RBFOX1: variants seen among roughly 807,000 people sequenced by gnomAD.
RBFOX1 encodes RNA binding protein fox-1 homolog 1.
In RBFOX1, 8 loss-of-function variants were observed where a neutral mutation model predicts 57.7. That is an observed-to-expected ratio of 0.14 (90% CI 0.08 to 0.25). RBFOX1 has a LOEUF of 0.25. Among genes scored for constraint, RBFOX1 ranks in the 10% least tolerant of loss-of-function variants. The probability of loss-of-function intolerance (pLI) is 1.00; values close to 1 mark genes in which losing one functional copy is unlikely to be tolerated. For missense variants in RBFOX1, 611 were observed against 548.5 expected (o/e 1.11, Z -1.14); for synonymous variants, 326 against 222.4 (o/e 1.47, Z -4.15).
intron 1 of RBFOX1, among the ~76,000 whole-genome samples, chr16:5,342,555 C>G (rs1034639477): frequency 6.6e-6 from 1 of 152,136 alleles, no homozygotes; most frequent in African/African-American, 2.4e-5. Context: ...TGAGGCAATT[C>G]ATGTAGAACT....
At chr16:6,730,869 C>T (rs923849722) in intron 3 of RBFOX1, among the ~76,000 whole-genome samples, 2 of 152,182 alleles carry the variant, frequency 1.3e-5, no homozygotes, top group Non-Finnish European at 2.9e-5. Context: ...CCAGACCCCA[C>T]CCTGCTTCCT....
At chr16:7,577,395 C>A (rs1028890857) in intron 5 of RBFOX1, among the ~76,000 whole-genome samples, 1 of 152,170 alleles carries the variant, frequency 6.6e-6, no homozygotes, top group Non-Finnish European at 1.5e-5. Context: ...CACATACTCT[C>A]CTGAATCCAA....
chr16:7,061,298 G>T (rs2054186923), intron 4 of RBFOX1, among the ~76,000 whole-genome samples: 1 of 152,144 alleles, frequency 6.6e-6, no homozygotes, highest in African/African-American at 2.4e-5. Flanking sequence ...CACAAGACCT[G>T]TTCCATACAG....
chr16:6,648,372 C>T (rs553198365), intron 2 of RBFOX1, among the ~76,000 whole-genome samples: 145 of 144,856 alleles, frequency 1.0e-3, no homozygotes, highest in Admixed American at 2.2e-3. Context: ...CCAGGGGCAT[C>T]GTACTTGCTG....
At chr16:7,421,055 CTT>C (rs1044490351) in intron 4 of RBFOX1, among the ~76,000 whole-genome samples, 1 of 151,908 alleles carries the variant, frequency 6.6e-6, no homozygotes, top group Non-Finnish European at 1.5e-5. Flanking sequence ...ATACCTGACT[CTT>C]TTGCTCATCT....
chr16:7,485,904 C>G (rs1431827897), intron 4 of RBFOX1, among the ~76,000 whole-genome samples: 1 of 152,136 alleles, frequency 6.6e-6, no homozygotes, highest in Non-Finnish European at 1.5e-5. Flanking sequence ...TGGCACATAG[C>G]CACACCCATT....
chr16:7,245,365 C>T (rs984737866), intron 4 of RBFOX1, among the ~76,000 whole-genome samples: 2 of 152,048 alleles, frequency 1.3e-5, no homozygotes, highest in Non-Finnish European at 2.9e-5. Context: ...ACAGGATGTG[C>T]AGGTTCATTG....
At chr16:5,648,885 G>A (rs2049137531) in intron 3 of RBFOX1, among the ~76,000 whole-genome samples, 1 of 151,994 alleles carries the variant, frequency 6.6e-6, no homozygotes, top group South Asian at 2.1e-4. Context: ...CCAACATGGT[G>A]AAACCCCATG....
intron 4 of RBFOX1, among the ~76,000 whole-genome samples, chr16:7,421,263 T>G (rs74250093): frequency 1.3e-5 from 2 of 152,326 alleles, no homozygotes; most frequent in East Asian, 3.9e-4. Context: ...TATGTTGTAA[T>G]TGAAGCTTAA....
chr16:7,701,477 C>G (rs1023628605), intron 14 of RBFOX1, among the ~76,000 whole-genome samples: 3 of 152,144 alleles, frequency 2.0e-5, no homozygotes, highest in Non-Finnish European at 4.4e-5. Context: ...TTTTGAGAAT[C>G]TAATGCCTGA....
chr16:6,130,229 A>G (rs988651604), intron 1 of RBFOX1, among the ~76,000 whole-genome samples: 4 of 152,154 alleles, frequency 2.6e-5, no homozygotes, highest in Admixed American at 6.5e-5. Flanking sequence ...AAGTATACAC[A>G]TGTAAGATTT....
At chr16:6,871,777 G>A (rs1202866647) in intron 3 of RBFOX1, among the ~76,000 whole-genome samples, 5 of 152,028 alleles carry the variant, frequency 3.3e-5, no homozygotes, top group Non-Finnish European at 5.9e-5. Context: ...TCTACCTTCC[G>A]CTGATTTTAG....
chr16:7,221,232 A>C (rs1331912063), intron 4 of RBFOX1, among the ~76,000 whole-genome samples: 1 of 152,176 alleles, frequency 6.6e-6, no homozygotes, highest in Non-Finnish European at 1.5e-5. Flanking sequence ...ATAGTTTGTA[A>C]AGTGTTAGAA....
chr16:6,628,978 C>T (rs910760793), intron 2 of RBFOX1, among the ~76,000 whole-genome samples: 6 of 152,030 alleles, frequency 3.9e-5, no homozygotes, highest in Non-Finnish European at 5.9e-5. Flanking sequence ...TACAGTGAGC[C>T]GAGATTGCAC....
intron 2 of RBFOX1, among the ~76,000 whole-genome samples, chr16:6,607,444 A>G (rs12448906): frequency 0.046 from 5,124 of 110,804 alleles, 122 homozygotes; most frequent in Non-Finnish European, 0.061. Context: ...CTCGCTCTCT[A>G]TCTCTCTTCC....
chr16:5,374,174 C>A (rs752563206), intron 1 of RBFOX1, among the ~76,000 whole-genome samples: 1 of 152,230 alleles, frequency 6.6e-6, no homozygotes, highest in African/African-American at 2.4e-5. Flanking sequence ...CTGAGCTCAG[C>A]TGTTCCACCC....
chr16:5,893,172 C>A (rs181073367), intron 4 of RBFOX1, among the ~76,000 whole-genome samples: 1 of 152,324 alleles, frequency 6.6e-6, no homozygotes, highest in Admixed American at 6.5e-5. Context: ...TGGAATTCAG[C>A]TGATGCTCCA....
chr16:5,647,451 T>G (rs1300186877), intron 3 of RBFOX1, among the ~76,000 whole-genome samples: 6 of 152,198 alleles, frequency 3.9e-5, no homozygotes, highest in African/African-American at 7.2e-5. Flanking sequence ...TGGCAACATG[T>G]AAACACTGCT....
At chr16:7,481,573 G>T (rs530580145) in intron 4 of RBFOX1, among the ~76,000 whole-genome samples, 1 of 152,216 alleles carries the variant, frequency 6.6e-6, no homozygotes, top group East Asian at 1.9e-4. Flanking sequence ...ATGACTAAGG[G>T]CTATTAAATC....
Sources: gnomAD v4.1 joint callset for allele counts (sites outside exome capture counted in the v4.1 genomes callset) on GRCh38, gnomAD v4.1.1 for gene constraint, MANE v1.5 for transcripts, NCBI Gene and HGNC (gene_info 2026-07-23, HGNC 2026-07-21) for gene names.